APTX: variants seen among roughly 807,000 people sequenced by gnomAD.
APTX encodes the protein aprataxin.
A neutral mutation model predicts 42.3 loss-of-function variants in APTX; 33 were observed. That is an observed-to-expected ratio of 0.78 (90% CI 0.59 to 1.04). The LOEUF (loss-of-function observed/expected upper bound fraction) is 1.04, where lower values mean the gene tolerates loss of function less well. Ranked by LOEUF, APTX falls within the 50% of genes least tolerant of loss-of-function variation. The pLI, the probability that APTX is intolerant of heterozygous loss-of-function variation, is 0.00. For synonymous variants in APTX, 130 were observed against 146.7 expected, an observed-to-expected ratio of 0.89 and a Z score of 0.82; for missense variants, 421 against 415.1, an observed-to-expected ratio of 1.01 and a Z score of -0.12.
Position 32,986,051 on chromosome 9 carries a change from A to C in APTX, c.484-21T>G, listed in dbSNP as rs1458499589. On this transcript the variant is annotated intron_variant, in intron 4 of 7. Transcript: ENST00000379817. ...GATTCCTAAAAAAAAAACAAAAAAA[A>C]AAACAAAAAAAAAAAAAAACAAGCA... 2.1e-5 allele frequency: 14 copies of C among 669,118 alleles called. No homozygotes were observed. Among genetic ancestry groups the C allele is most frequent in the African/African-American group, 1.3e-4 (5 of 37,854 alleles). The allele number at this position is 669,118 out of a possible 1,614,324, so 41.4% of individuals were successfully genotyped here.
At position 32,989,758 on chromosome 9, in the gene APTX, C is replaced by A. The variant is rs1249886388; in HGVS notation, c.133+1G>T. The A allele has an allele frequency of 6.2e-7, 1 of 1,614,232 alleles. No individual in the cohort carries two copies. The highest frequency in any genetic ancestry group is 8.5e-7 in the Non-Finnish European group (1 of 1,180,042). ...ATCTCCACATTTCTATGACCAGTTA[C>A]CTTGCTGTCGAGAACATTTCTTATC... On this transcript the variant is annotated splice_donor_variant, in intron 2 of 7. Transcript: ENST00000379817. LOFTEE classifies it high-confidence loss of function.
upstream of APTX, among the ~76,000 whole-genome samples, chr9:33,003,782 T>G (rs1324254099): frequency 6.6e-6 from 1 of 152,222 alleles, no homozygotes; most frequent in Non-Finnish European, 1.5e-5. Context: ...GCGACTGGCT[T>G]ATTTCACTTA....
At chr9:32,974,315 T>C (rs1828793098) in intron 7 of APTX, 143 bp downstream of exon 7, 1 of 651,762 alleles carries the variant, frequency 1.5e-6, no homozygotes, top group South Asian at 1.7e-5. Context: ...ATCCAGTTTC[T>C]TTTCACAGGG....
chr9:33,019,779 A>C, intron 1 of APTX: 1 of 602,018 alleles, frequency 1.7e-6, no homozygotes, highest in Non-Finnish European at 2.9e-6. Context: ...TTGATAAGGG[A>C]AATTCGGAGC....
intron 1 of APTX, among the ~76,000 whole-genome samples, chr9:32,995,904 A>C (rs1464649520): frequency 6.6e-6 from 1 of 151,270 alleles, no homozygotes; most frequent in Non-Finnish European, 1.5e-5. Context: ...AAAAAAAAAA[A>C]GAAATTGCCA....
chr9:33,019,987 G>A, intron 1 of APTX: 4 of 416,618 alleles, frequency 9.6e-6, no homozygotes, highest in Non-Finnish European at 4.4e-6. Context: ...CACAGACGCT[G>A]CGTTTCTGCT....
At chr9:33,001,709 T>G, upstream of APTX, 1 of 1,479,506 alleles carries the variant, frequency 6.8e-7, no homozygotes, top group Non-Finnish European at 9.2e-7. Context: ...GAAAGAATCT[T>G]GCCCACTTCC....
chr9:33,008,415 T>C (rs993687974), intron 1 of APTX, among the ~76,000 whole-genome samples: 3 of 152,214 alleles, frequency 2.0e-5, no homozygotes, highest in South Asian at 2.1e-4. Context: ...AAGATTTTTT[T>C]TTTAAATTAG....
chr9:32,986,237 A>C, intron 4 of APTX: 1 of 693,636 alleles, frequency 1.4e-6, no homozygotes, highest in Non-Finnish European at 2.6e-6. Flanking sequence ...TTTTGAGACA[A>C]AGTCTCACTC....
chr9:32,977,201 A>C (rs751749657), intron 6 of APTX, among the ~76,000 whole-genome samples: 9 of 152,216 alleles, frequency 5.9e-5, no homozygotes, highest in Non-Finnish European at 1.0e-4. Flanking sequence ...AATTTATAAA[A>C]ATGACCCAAG....
chr9:32,976,308 A>G (rs1480850508), intron 6 of APTX, among the ~76,000 whole-genome samples: 1 of 152,158 alleles, frequency 6.6e-6, no homozygotes, highest in Non-Finnish European at 1.5e-5. Context: ...CAGCAAACCA[A>G]CATGGCACAT....
At chr9:33,023,489 C>T (rs1197923567) in intron 1 of APTX, among the ~76,000 whole-genome samples, 1 of 152,216 alleles carries the variant, frequency 6.6e-6, no homozygotes, top group Non-Finnish European at 1.5e-5. Context: ...TCCCAAAGTG[C>T]TGGGATTACA....
At chr9:33,010,719 CAA>C (rs369862649) in intron 1 of APTX, among the ~76,000 whole-genome samples, 7 of 127,266 alleles carry the variant, frequency 5.5e-5, no homozygotes, top group Non-Finnish European at 5.1e-5. Context: ...AACCTCGTTC[CAA>C]AAAAAAAAAA....
chr9:32,985,259 G>T (rs1417953308), intron 5 of APTX, among the ~76,000 whole-genome samples: 3 of 151,398 alleles, frequency 2.0e-5, no homozygotes, highest in Non-Finnish European at 4.4e-5. Context: ...AGCCCTATTA[G>T]ACCTGCCCCT....
rs1422228459 is a variant in APTX, at chr9:32,972,750, T to TAAA, written c.*747_*748insTTT. ...TGAACTTCAATAGTTTCCACCTACT[T>TAAA]AAGAGAGATGCCTCAAACAAATTAA... On this transcript the variant is annotated 3_prime_UTR_variant, in exon 8 of 8. Transcript: ENST00000379817. The TAAA allele has an allele frequency of 6.6e-6, 3 of 454,078 alleles. No homozygotes were observed. In the East Asian group the frequency reaches 2.1e-4, roughly 32 times the overall value. 28.1% of individuals were successfully genotyped at this position (454,078 alleles called of 1,614,324 possible).
chr9:32,983,478 C>T (rs1337639871), intron 6 of APTX, among the ~76,000 whole-genome samples: 1 of 152,162 alleles, frequency 6.6e-6, no homozygotes, highest in African/African-American at 2.4e-5. Context: ...ACTGATCAAA[C>T]TATGCATCTT....
At position 32,987,613 on chromosome 9, in the gene APTX, C is replaced by T. The variant is rs1205664122; in HGVS notation, c.414G>A (p.Leu138=). ...AAQEAEAGTG[L]EPGSNSGQCS... ...ATTGGCCAGAGTTGCTCCCAGGTTC[C>T]AGCCCTGTCCCAGCCTCAGCTTCCT... The change falls in exon 4 of 8, where the codon CTG becomes CTA. Residue 138 remains leucine, a synonymous_variant. Coordinates refer to ENST00000379817, the MANE Select transcript of APTX (RefSeq NM_001195248.2). 5 of 1,614,096 alleles carry T rather than the reference C, an allele frequency of 3.1e-6. No homozygotes were observed. The African/African-American group carries it at 4.0e-5, about 13-fold the overall frequency.
chr9:32,989,653 T>C (rs1833078673), intron 2 of APTX, 106 bp downstream of exon 2: 1 of 1,557,028 alleles, frequency 6.4e-7, no homozygotes, highest in African/African-American at 1.4e-5. Flanking sequence ...AGCTGTATTT[T>C]TGGCAGACAA....
intron 1 of APTX, chr9:33,020,083 C>G (rs776899902): frequency 2.6e-6 from 1 of 386,900 alleles, no homozygotes; most frequent in African/African-American, 2.1e-5. Flanking sequence ...ATCACCCTAG[C>G]CATCCCCGCA....
Sources: allele counts gnomAD v4.1 joint callset (sites outside exome capture counted in the v4.1 genomes callset), GRCh38; gene constraint gnomAD v4.1.1; transcripts MANE v1.5; gene names NCBI Gene and HGNC (gene_info 2026-07-23, HGNC 2026-07-21).